Variants in KIF7 observed in about 807,000 individuals in gnomAD.
KIF7 encodes kinesin family member 7.
KIF7 carries 104 observed loss-of-function variants against 135.7 expected under a neutral mutation model. The ratio of observed to expected loss-of-function variants is 0.77; its 90% CI spans 0.65 to 0.90. The LOEUF (loss-of-function observed/expected upper bound fraction) is 0.90. KIF7 is among the 40% of genes least tolerant of loss of function. The pLI, the probability that KIF7 is intolerant of heterozygous loss-of-function variation, is 0.00. For missense variants in KIF7, 2,005 were observed against 1,839.1 expected, an observed-to-expected ratio of 1.09 and a Z score of -1.65; for synonymous variants, 883 against 809.4, an observed-to-expected ratio of 1.09 and a Z score of -1.54.
rs113934978 is a variant in KIF7 at position 89,617,962 on chromosome 15, G to A, written c.*75+67C>T. 1.9e-3 allele frequency: 1,284 copies of A among 661,012 alleles called. 4 individuals are homozygous for A. The highest frequency in any genetic ancestry group is 3.7e-3 in the Admixed American group (160 of 42,904). The allele number at this position is 661,012 out of a possible 1,614,324, so 40.9% of individuals were successfully genotyped here. On this transcript the variant is annotated intron_variant and NMD_transcript_variant, in intron 2 of 2. Coordinates refer to the KIF7 transcript ENST00000558928. ...CCGCCTTAGCCTCCTAAGGTGCTGGGATTACAGGCGTGAGACACTGTGGCC... is the reference window on the plus strand; with the variant it reads ...CCGCCTTAGCCTCCTAAGGTGCTGGAATTACAGGCGTGAGACACTGTGGCC...
downstream of KIF7, chr15:89,623,476 G>GA: frequency 1.2e-6 from 1 of 844,478 alleles, no homozygotes; most frequent in South Asian, 1.9e-5. Flanking sequence ...TTTGGAGAGG[G>GA]AAACGGGTCA....
chr15:89,662,491 G>A, the KIF7 span, among the ~76,000 whole-genome samples: 1 of 152,196 alleles, frequency 6.6e-6, no homozygotes, highest in Non-Finnish European at 1.5e-5. Context: ...GAGTGATACG[G>A]TCTCAAAATA....
downstream of KIF7, chr15:89,624,638 C>G (rs1963482796): frequency 1.2e-6 from 2 of 1,613,974 alleles, no homozygotes; most frequent in Admixed American, 3.3e-5. Flanking sequence ...TACCCAGGCC[C>G]TGGTCTCAGG....
chr15:89,645,137 C>G lies in KIF7; in HGVS notation c.2067G>C (p.Gln689His), dbSNP rs1426339621. 6.2e-7 allele frequency: 1 copy of G among 1,604,560 alleles called. No homozygotes were observed. The highest frequency in any genetic ancestry group is 1.3e-5 in the African/African-American group (1 of 74,938). Reference sequence around the variant, plus strand: ...CTGTGGCAGGGGGGACCTGGCGGGCCTGAACTCGGGCCTTGCTCCCACCAA... The same window carrying G: ...CTGTGGCAGGGGGGACCTGGCGGGCGTGAACTCGGGCCTTGCTCCCACCAA... ...RAVGGSKARVQARQVPPATAS... is the reference protein window; with the variant it reads ...RAVGGSKARVHARQVPPATAS... Residue 689 changes from glutamine to histidine, a missense_variant, in exon 10 of 19, where the codon CAG (glutamine) becomes CAC (histidine). Transcript: ENST00000394412.
intron 11 of KIF7, among the ~76,000 whole-genome samples, chr15:89,639,190 A>G (rs184954677): frequency 0.012 from 1,807 of 152,316 alleles, 48 homozygotes; most frequent in African/African-American, 0.042. Flanking sequence ...TAAAAACTCT[A>G]GAAGAAAACC....
intron 15 of KIF7, among the ~76,000 whole-genome samples, 162 bp downstream of exon 15, chr15:89,631,333 C>T (rs1963669976): frequency 6.6e-6 from 1 of 152,254 alleles, no homozygotes; most frequent in African/African-American, 2.4e-5. Context: ...GCAGAAGGGC[C>T]AGGCCAGCCC....
chr15:89,622,043 G>T (rs957713774), intron 1 of KIF7, among the ~76,000 whole-genome samples: 2 of 142,172 alleles, frequency 1.4e-5, no homozygotes, highest in Non-Finnish European at 3.0e-5. Context: ...CTGGAGTGCA[G>T]TGGCACGATC....
At chr15:89,620,969 C>T (rs192525444) in intron 1 of KIF7, among the ~76,000 whole-genome samples, 38 of 151,994 alleles carry the variant, frequency 2.5e-4, no homozygotes, top group African/African-American at 8.7e-4. Context: ...GATCTGCCCG[C>T]CTCAGCCTCC....
rs2141995300 is a variant in KIF7 at position 89,630,064 on chromosome 15, GAGGTTA to G, written c.3318+217_3318+222del. ...TACTATTGTGGCCATGGACCACCCT[GAGGTTA>G]GCCAATCAGAGCAGAAGTGGGGGGC... On this transcript the variant is annotated intron_variant, in intron 16 of 18. Coordinates refer to ENST00000394412, the MANE Select transcript of KIF7 (RefSeq NM_198525.3). 6 of 598,794 alleles carry G rather than the reference GAGGTTA, an allele frequency of 1.0e-5. No individual in the cohort carries two copies. In the African/African-American group the frequency reaches 1.1e-4, roughly 11 times the overall value. The allele number at this position is 598,794 out of a possible 1,614,324, so 37.1% of individuals were successfully genotyped here.
chr15:89,639,034 A>G (rs1027522391), intron 11 of KIF7, among the ~76,000 whole-genome samples: 10 of 152,260 alleles, frequency 6.6e-5, no homozygotes, highest in Non-Finnish European at 1.5e-4. Flanking sequence ...GAGAAAAGCA[A>G]TGGGGAAAGG....
At position 89,652,663 on chromosome 15, in the gene KIF7, C is replaced by T. The variant is rs891743732; in HGVS notation, c.268G>A (p.Val90Ile). The T allele has an allele frequency of 3.9e-6, 6 of 1,550,654 alleles. No individual in the cohort carries two copies. Among genetic ancestry groups the T allele is most frequent in the Non-Finnish European group, 4.4e-6 (5 of 1,146,124 alleles). The change falls in exon 2 of 19, where the codon GTC becomes ATC. Residue 90 changes from valine to isoleucine, a missense_variant. Val to Ile is a conservative substitution (Grantham distance 29). Transcript: ENST00000394412. ...EAFFEGFNAT[V>I]FAYGQTGSGK... ...GAGCCCGTCTGACCATAGGCAAAGACAGTGGCATTGAAGCCCTCGAAGAAG... is the reference window on the plus strand; with the variant it reads ...GAGCCCGTCTGACCATAGGCAAAGATAGTGGCATTGAAGCCCTCGAAGAAG...
At chr15:89,631,752 T>C in intron 14 of KIF7, 42 bp from the exon 15 acceptor site, 1 of 1,504,998 alleles carries the variant, frequency 6.6e-7, no homozygotes, top group South Asian at 1.2e-5. Flanking sequence ...GAACAGGCAC[T>C]GTCCTCACAG....
At chr15:89,643,232 C>T (rs1003824462) in intron 10 of KIF7, among the ~76,000 whole-genome samples, 1 of 152,168 alleles carries the variant, frequency 6.6e-6, no homozygotes, top group African/African-American at 2.4e-5. Context: ...AAATAAATGG[C>T]TGCATGTGTA....
chr15:89,646,102 C>A (rs183507858), intron 7 of KIF7, 76 bp from the exon 8 acceptor site: 4 of 1,562,610 alleles, frequency 2.6e-6, no homozygotes, highest in African/African-American at 1.4e-5. Flanking sequence ...CTCCTCATAT[C>A]TCTCCCTCCT....
chr15:89,619,641 G>T, intron 1 of KIF7: 1 of 1,539,928 alleles, frequency 6.5e-7, no homozygotes, highest in South Asian at 1.3e-5. Context: ...GCCCGGTTTT[G>T]GACAACATGA....
rs1212245446 is a variant in KIF7, at chr15:89,619,601, C to G, written c.181-1406G>C. ...TTAAAGCTAATAGCTTGCTGAATTT[C>G]CATCTTATATGTGGTACTATGTAAA... On this transcript the variant is annotated intron_variant and NMD_transcript_variant, in intron 1 of 2. Coordinates refer to the KIF7 transcript ENST00000558928. 18 of 1,200,778 alleles carry G rather than the reference C, an allele frequency of 1.5e-5. No homozygotes were observed. The East Asian group carries it at 4.0e-4, about 27-fold the overall frequency. 74.4% of individuals were successfully genotyped at this position (1,200,778 alleles called of 1,614,324 possible).
chr15:89,644,413 G>C (rs533424886), intron 10 of KIF7, among the ~76,000 whole-genome samples: 5 of 152,044 alleles, frequency 3.3e-5, no homozygotes, highest in Admixed American at 3.3e-4. Flanking sequence ...GGTGGCTCAC[G>C]CCTGTAATCC....
intron 1 of KIF7, among the ~76,000 whole-genome samples, chr15:89,620,289 G>C (rs1189014584): frequency 6.6e-6 from 1 of 151,838 alleles, no homozygotes; most frequent in East Asian, 2.0e-4. Context: ...GCTCACTGTA[G>C]CCTCAACCTC....
intron 1 of KIF7, among the ~76,000 whole-genome samples, chr15:89,618,686 TGTG>T (rs1275254321): frequency 6.6e-6 from 1 of 152,218 alleles, no homozygotes; most frequent in Admixed American, 6.5e-5. Flanking sequence ...GAGCAGCAGG[TGTG>T]GTGGTTCACG....
Sources: allele counts gnomAD v4.1 joint callset (sites outside exome capture counted in the v4.1 genomes callset), GRCh38; gene constraint gnomAD v4.1.1; transcripts MANE v1.5; gene names NCBI Gene and HGNC (gene_info 2026-07-23, HGNC 2026-07-21).